Variants in MCC observed in about 807,000 individuals in gnomAD.
MCC encodes the protein colorectal mutant cancer protein.
Under a neutral mutation model 116.2 loss-of-function variants are expected in MCC, and 90 were observed. That is an observed-to-expected ratio of 0.77 (90% CI 0.65 to 0.92). The LOEUF (loss-of-function observed/expected upper bound fraction) is 0.92, where lower values mean the gene tolerates loss of function less well. Among genes scored for constraint, MCC ranks in the 40% least tolerant of loss-of-function variants. The pLI is 0.00. For synonymous variants in MCC, 578 were observed against 510.5 expected (o/e 1.13, Z -1.78); for missense variants, 1,516 against 1,312.2 (o/e 1.16, Z -2.40).
intron 17 of MCC, among the ~76,000 whole-genome samples, chr5:113,039,719 C>CAA: frequency 7.5e-6 from 1 of 134,178 alleles, no homozygotes; most frequent in East Asian, 2.2e-4. Flanking sequence ...GCGCCCCCCC[C>CAA]CCCAACCCAC....
intron 1 of MCC, among the ~76,000 whole-genome samples, chr5:113,472,123 T>C (rs1411124619): frequency 6.6e-6 from 1 of 152,146 alleles, no homozygotes; most frequent in Non-Finnish European, 1.5e-5. Context: ...GGTGAGGCAA[T>C]GCCTTGCTCT....
chr5:113,268,414 ACT>A, intron 3 of MCC, among the ~76,000 whole-genome samples: 1 of 152,290 alleles, frequency 6.6e-6, no homozygotes, highest in African/African-American at 2.4e-5. Context: ...AGGATGTACC[ACT>A]GTCATCAATT....
chr5:113,064,200 C>T (rs756529653), intron 13 of MCC, 33 bp from the exon 14 acceptor site: 1 of 1,580,700 alleles, frequency 6.3e-7, no homozygotes, highest in South Asian at 1.2e-5. Flanking sequence ...GATTAATCAA[C>T]ATAGGCCTGG....
At chr5:113,338,608 C>G (rs968063269) in intron 3 of MCC, among the ~76,000 whole-genome samples, 3 of 152,236 alleles carry the variant, frequency 2.0e-5, no homozygotes, top group Non-Finnish European at 4.4e-5. Flanking sequence ...CTCTGTTTAA[C>G]ACTGATTTCT....
intron 3 of MCC, among the ~76,000 whole-genome samples, chr5:113,175,718 C>T (rs1209254460): frequency 6.6e-6 from 1 of 152,006 alleles, no homozygotes; most frequent in East Asian, 1.9e-4. Context: ...TAAATAGCAA[C>T]CACATAATAT....
chr5:113,280,036 T>C (rs1765979908), intron 3 of MCC, among the ~76,000 whole-genome samples: 1 of 152,244 alleles, frequency 6.6e-6, no homozygotes, highest in Non-Finnish European at 1.5e-5. Flanking sequence ...GCTACTCCCA[T>C]CATCCCAGGA....
rs562384994 is a variant in MCC at position 113,332,222 on chromosome 5, CCAGGCTAGGGTG to C, written c.627+8285_627+8296del. On this transcript the variant is annotated intron_variant, in intron 3 of 18. Transcript: ENST00000408903. Reference sequence around the variant, plus strand: ...TTGAGACAATGTCTTGCTATGTTGCCCAGGCTAGGGTGCAGGCATGATCATAGCGCACTGCAG... The same window carrying C: ...TTGAGACAATGTCTTGCTATGTTGCCCAGGCATGATCATAGCGCACTGCAG... Among the ~76,000 whole-genome samples, 720 of 151,260 alleles carry C rather than the reference CCAGGCTAGGGTG, an allele frequency of 4.8e-3. 37 individuals carry two copies. Among genetic ancestry groups the C allele is most frequent in the African/African-American group, 0.017 (697 of 40,816 alleles).
intron 3 of MCC, among the ~76,000 whole-genome samples, chr5:113,228,295 C>G (rs1397285333): frequency 6.6e-6 from 1 of 152,048 alleles, no homozygotes; most frequent in Non-Finnish European, 1.5e-5. Flanking sequence ...CATGCTGTCT[C>G]GTGAGAATGA....
At position 113,069,053 on chromosome 5, in the gene MCC, T is replaced by C. The variant is rs73778912; in HGVS notation, c.1926-870A>G. 7.1e-3 allele frequency among the ~76,000 whole-genome samples: 1,079 copies of C among 152,362 alleles called. 13 individuals are homozygous for C. The highest frequency in any genetic ancestry group is 0.025 in the African/African-American group (1,022 of 41,586). The stretch of plus-strand genomic sequence containing the variant: ...ACTAGCCACAAATAGCTACTTAAAT[T>C]GAAAATATTCTGAGTTAAATAAAAT... On this transcript the variant is annotated intron_variant, in intron 12 of 18. Transcript: ENST00000408903.
At chr5:113,194,905 A>G (rs1387533726) in intron 3 of MCC, among the ~76,000 whole-genome samples, 1 of 152,240 alleles carries the variant, frequency 6.6e-6, no homozygotes, top group Non-Finnish European at 1.5e-5. Flanking sequence ...AATCAAAAAG[A>G]GAACATGGCC....
intron 3 of MCC, among the ~76,000 whole-genome samples, chr5:113,244,965 C>T (rs1764515127): frequency 6.6e-6 from 1 of 152,156 alleles, no homozygotes; most frequent in African/African-American, 2.4e-5. Context: ...TATTGATTAG[C>T]CATTGTGGGT....
chr5:113,386,754 C>CATATAT (rs10673164), intron 1 of MCC, among the ~76,000 whole-genome samples: 6,869 of 140,980 alleles, frequency 0.049, 198 homozygotes, highest in South Asian at 0.066. Flanking sequence ...ATATGTATAT[C>CATATAT]ATATATATAT....
At chr5:113,112,715 G>C (rs1757169463) in intron 6 of MCC, among the ~76,000 whole-genome samples, 1 of 152,198 alleles carries the variant, frequency 6.6e-6, no homozygotes, top group Non-Finnish European at 1.5e-5. Context: ...TGTGTTTCCA[G>C]AGACTCACAG....
intron 3 of MCC, among the ~76,000 whole-genome samples, chr5:113,233,507 G>A (rs1561474945): frequency 1.3e-5 from 2 of 152,228 alleles, no homozygotes; most frequent in Middle Eastern, 3.4e-3. Context: ...CTGAAACCCT[G>A]GGTATCTTAA....
intron 1 of MCC, among the ~76,000 whole-genome samples, chr5:113,480,195 T>C (rs547194826): frequency 1.3e-5 from 2 of 152,228 alleles, no homozygotes; most frequent in Non-Finnish European, 2.9e-5. Flanking sequence ...ATATTCTCCA[T>C]TAAATCTGAC....
At chr5:113,292,793 GTC>G (rs893278429) in intron 3 of MCC, among the ~76,000 whole-genome samples, 1 of 152,196 alleles carries the variant, frequency 6.6e-6, no homozygotes, top group African/African-American at 2.4e-5. Flanking sequence ...CTGGCAAAGA[GTC>G]TCTGCAAAAG....
chr5:113,057,266 GT>G, intron 14 of MCC, among the ~76,000 whole-genome samples: 1 of 152,230 alleles, frequency 6.6e-6, no homozygotes, highest in South Asian at 2.1e-4. Context: ...GCCATTGGGG[GT>G]TTTAACAGGG....
At chr5:113,338,035 C>T (rs1034051825) in intron 3 of MCC, among the ~76,000 whole-genome samples, 11 of 152,202 alleles carry the variant, frequency 7.2e-5, no homozygotes, top group Non-Finnish European at 1.6e-4. Context: ...GGTGAAGACA[C>T]AGGACAGGAT....
intron 17 of MCC, among the ~76,000 whole-genome samples, chr5:113,035,421 G>C (rs1016955580): frequency 3.3e-5 from 5 of 152,130 alleles, no homozygotes; most frequent in African/African-American, 1.2e-4. Context: ...CCTCTGCCCT[G>C]GTTTTCACAC....
Sources: gnomAD v4.1 joint callset for allele counts (sites outside exome capture counted in the v4.1 genomes callset) on GRCh38, gnomAD v4.1.1 for gene constraint, MANE v1.5 for transcripts, NCBI Gene and HGNC (gene_info 2026-07-23, HGNC 2026-07-21) for gene names.